The following PYROXD1 variants were observed in gnomAD, a reference collection of about 807,000 sequenced individuals.
PYROXD1 encodes the protein tRNA ligase complex-associated NAD(P)H dehydrogenase PYROXD1.
In PYROXD1, 42 loss-of-function variants were observed where a neutral mutation model predicts 62.0. The ratio of observed to expected loss-of-function variants is 0.68; its 90% CI spans 0.53 to 0.88. The LOEUF (loss-of-function observed/expected upper bound fraction) is 0.88, where lower values mean the gene tolerates loss of function less well. Among genes scored for constraint, PYROXD1 ranks in the 40% least tolerant of loss-of-function variants. PYROXD1 has a pLI of 0.00. For synonymous variants in PYROXD1, 170 were observed against 206.4 expected (o/e 0.82, Z 1.51); for missense variants, 493 against 604.8 (o/e 0.82, Z 1.94).
At chr12:21,439,262 T>C (rs1399510164) in intron 1 of PYROXD1, among the ~76,000 whole-genome samples, 1 of 152,200 alleles carries the variant, frequency 6.6e-6, no homozygotes, top group African/African-American at 2.4e-5. Context: ...AGATGATTAG[T>C]TACAATGTAT....
intron 5 of PYROXD1, among the ~76,000 whole-genome samples, chr12:21,454,257 C>T (rs2137266121): frequency 6.6e-6 from 1 of 152,020 alleles, no homozygotes; most frequent in South Asian, 2.1e-4. Context: ...AAAATTAATA[C>T]CTTAACTTTT....
At chr12:21,448,202 G>C in intron 3 of PYROXD1, 1 of 604,134 alleles carries the variant, frequency 1.7e-6, no homozygotes, top group Non-Finnish European at 3.2e-6. Context: ...AGCCACCATA[G>C]GTTTTCTCTT....
chr12:21,456,894 A>G (rs1422852042), intron 7 of PYROXD1: 1 of 454,828 alleles, frequency 2.2e-6, no homozygotes, highest in Non-Finnish European at 4.4e-6. Flanking sequence ...ACCAGAAGTA[A>G]ACTCCATCTC....
chr12:21,470,191 A>C lies in PYROXD1; in HGVS notation c.*1437A>C, dbSNP rs368836874. Reference sequence around the variant, plus strand: ...TTAATTAGAAAATTTAGTAACATTCATATCAGGCATCATCGATTTTTCTTT... The same window carrying C: ...TTAATTAGAAAATTTAGTAACATTCCTATCAGGCATCATCGATTTTTCTTT... On this transcript the variant is annotated 3_prime_UTR_variant, in exon 12 of 12. Transcript: ENST00000240651. The C allele has an allele frequency of 6.2e-7, 1 of 1,611,474 alleles. No homozygotes were observed. The highest frequency in any genetic ancestry group is 8.5e-7 in the Non-Finnish European group (1 of 1,178,432).
At chr12:21,444,382 CA>C (rs779274830) in intron 2 of PYROXD1, among the ~76,000 whole-genome samples, 18 of 152,002 alleles carry the variant, frequency 1.2e-4, no homozygotes, top group Non-Finnish European at 2.5e-4. Context: ...AACATAACAC[CA>C]AAAAGTCACT....
chr12:21,453,028 A>G (rs976405531), intron 5 of PYROXD1, among the ~76,000 whole-genome samples: 1 of 152,042 alleles, frequency 6.6e-6, no homozygotes, highest in African/African-American at 2.4e-5. Context: ...AGTTTGTGGC[A>G]TTATATGGAG....
intron 5 of PYROXD1, 45 bp from the exon 6 acceptor site, chr12:21,455,087 T>G: frequency 8.3e-7 from 1 of 1,210,278 alleles, no homozygotes; most frequent in East Asian, 2.8e-5. Flanking sequence ...GATTTTTTAC[T>G]TAGACTTTTG....
rs10595518 is a variant in PYROXD1, at chr12:21,455,462, T to TTA, written c.649+185_649+186dup. On this transcript the variant is annotated intron_variant, in intron 6 of 11. Transcript: ENST00000240651. ...TCTATTTTATATATATGTATGTATT[T>TTA]TATATATATATATATAATTAAAACA... 3.5e-3 allele frequency among the ~76,000 whole-genome samples: 520 copies of TTA among 148,398 alleles called. 3 individuals are homozygous for TTA. The highest frequency in any genetic ancestry group is 5.3e-3 in the African/African-American group (216 of 40,770).
intron 2 of PYROXD1, among the ~76,000 whole-genome samples, chr12:21,440,843 A>T (rs1486809753): frequency 6.6e-6 from 1 of 151,986 alleles, no homozygotes; most frequent in Non-Finnish European, 1.5e-5. Context: ...TTCCTTCCAT[A>T]CCTAATTGTT....
chr12:21,461,032 A>T lies in PYROXD1; in HGVS notation c.758A>T (p.His253Leu). 1 of 1,515,708 alleles carries T rather than the reference A, an allele frequency of 6.6e-7. No homozygotes were observed. The highest frequency in any genetic ancestry group is 8.9e-7 in the Non-Finnish European group (1 of 1,125,114). 93.9% of individuals were successfully genotyped at this position (1,515,708 alleles called of 1,614,324 possible). A position where few individuals can be genotyped will look rare whatever the true frequency, so the allele number is the denominator to read the frequency against. The change falls in exon 8 of 12, where the codon CAT (histidine) becomes CTT (leucine). Residue 253 changes from histidine to leucine, a missense_variant. His to Leu is a moderately conservative substitution (Grantham distance 99). Transcript: ENST00000240651. Reference protein sequence around the residue: ...LNLKGTKEFSHKIHLETMCEV... With the variant: ...LNLKGTKEFSLKIHLETMCEV... Reference sequence around the variant, plus strand: ...GTATTTTCTTAATTTTAGTTTTCTCATAAGATTCACCTTGAAACTATGTGT... The same window carrying T: ...GTATTTTCTTAATTTTAGTTTTCTCTTAAGATTCACCTTGAAACTATGTGT...
chr12:21,453,959 TG>T (rs1942549264), intron 5 of PYROXD1, among the ~76,000 whole-genome samples: 1 of 152,040 alleles, frequency 6.6e-6, no homozygotes, highest in South Asian at 2.1e-4. Flanking sequence ...CACTTTCCGC[TG>T]GTCAGTAATG....
chr12:21,440,510 A>G (rs1373567205), intron 2 of PYROXD1, 62 bp downstream of exon 2: 9 of 877,826 alleles, frequency 1.0e-5, no homozygotes, highest in Non-Finnish European at 1.7e-5. Flanking sequence ...CTTGCATAGC[A>G]GTTAGGGTAA....
Position 21,462,093 on chromosome 12 carries a change from TG to T in PYROXD1, c.967del (p.Val323Ter). 1 of 1,611,666 alleles carries T rather than the reference TG, an allele frequency of 6.2e-7. No individual in the cohort carries two copies. On this transcript the variant is annotated frameshift_variant, in exon 9 of 12. Transcript: ENST00000240651. LOFTEE classifies it high-confidence loss of function. ...IVSATGVTPNVEPFLHGNSFD... is the reference protein window; with the variant it reads ...IVSATGVTPNXEPFLHGNSFD... ...TCAGTGCTACAGGAGTTACACCAAA[TG>T]TAGAACCTTTTCTCCATGGTAACAG...
At chr12:21,456,236 C>T in intron 7 of PYROXD1, 141 bp downstream of exon 7, 2 of 585,716 alleles carry the variant, frequency 3.4e-6, no homozygotes, top group Non-Finnish European at 6.1e-6. Flanking sequence ...GAAAAGACCT[C>T]CAATGCAGTT....
At chr12:21,441,998 A>G (rs1383313340) in intron 2 of PYROXD1, among the ~76,000 whole-genome samples, 7 of 152,288 alleles carry the variant, frequency 4.6e-5, no homozygotes, top group African/African-American at 7.2e-5. Context: ...TTGTTGTTGA[A>G]GATTGCAGGG....
intron 7 of PYROXD1, among the ~76,000 whole-genome samples, chr12:21,457,823 C>A (rs557785276): frequency 1.3e-5 from 2 of 152,176 alleles, no homozygotes; most frequent in Non-Finnish European, 2.9e-5. Flanking sequence ...CCAGTCACCT[C>A]CCACCAGGCC....
intron 2 of PYROXD1, among the ~76,000 whole-genome samples, chr12:21,441,034 T>G (rs1942283869): frequency 6.6e-6 from 1 of 152,188 alleles, no homozygotes; most frequent in Admixed American, 6.5e-5. Context: ...ATTGATTGCT[T>G]TTTTTTGAGA....
chr12:21,465,694 A>G (rs9668302), intron 10 of PYROXD1, among the ~76,000 whole-genome samples: 16,842 of 151,146 alleles, frequency 0.11, 1,086 homozygotes, highest in East Asian at 0.29. Flanking sequence ...GTTAATTTTG[A>G]CTTTTGTTGC....
intron 7 of PYROXD1, among the ~76,000 whole-genome samples, chr12:21,459,367 G>A (rs889449323): frequency 6.6e-6 from 1 of 152,162 alleles, no homozygotes; most frequent in African/African-American, 2.4e-5. Flanking sequence ...TCTGGAGAGG[G>A]CATAGAAGCT....
Sources: allele counts gnomAD v4.1 joint callset (sites outside exome capture counted in the v4.1 genomes callset), GRCh38; gene constraint gnomAD v4.1.1; transcripts MANE v1.5; gene names NCBI Gene and HGNC (gene_info 2026-07-23, HGNC 2026-07-21).